The following UBE2V1 variants were observed in gnomAD, a reference collection of about 807,000 sequenced individuals.
UBE2V1 encodes the protein ubiquitin conjugating enzyme E2 V1.
A neutral mutation model predicts 19.6 loss-of-function variants in UBE2V1; 15 were observed. The observed-to-expected ratio is 0.77, with a 90% CI of 0.51 to 1.18. UBE2V1 has a LOEUF of 1.18. Ranked by LOEUF, UBE2V1 falls within the 50% of genes most tolerant of loss-of-function variation. The pLI is 0.00. For missense variants in UBE2V1, 125 were observed against 184.8 expected (o/e 0.68, Z 1.88); for synonymous variants, 60 against 60.7 (o/e 0.99, Z 0.05).
chr20:50,109,724 G>A (rs2080623389), intron 1 of UBE2V1, among the ~76,000 whole-genome samples: 1 of 137,400 alleles, frequency 7.3e-6, no homozygotes, highest in Non-Finnish European at 1.5e-5. Context: ...ACTCCAGCCA[G>A]GTGACAGGGC....
rs138205606 is a variant in UBE2V1, at chr20:50,112,280, T to C, written c.22+827A>G. ...AAGAGACATCCTCGGGGCTCCCAAT[T>C]CATCTGTTCTCCCTCATCCAATATC... On this transcript the variant is annotated intron_variant, in intron 1 of 3. Coordinates refer to ENST00000371674, the MANE Select transcript of UBE2V1 (RefSeq NM_001032288.3). 2.4e-3 allele frequency among the ~76,000 whole-genome samples: 364 copies of C among 152,230 alleles called. 3 individuals carry two copies. The highest frequency in any genetic ancestry group is 6.8e-3 in the Middle Eastern group (2 of 294).
chr20:50,098,800 A>G (rs1036057116), intron 1 of UBE2V1: 3 of 464,312 alleles, frequency 6.5e-6, no homozygotes, highest in African/African-American at 6.4e-5. Flanking sequence ...ATGTAAGCAA[A>G]AGAGTCAGTT....
chr20:50,091,048 A>G (rs79688841), intron 2 of UBE2V1, among the ~76,000 whole-genome samples: 2 of 150,814 alleles, frequency 1.3e-5, no homozygotes, highest in African/African-American at 5.0e-5. Context: ...GTATTGTTGG[A>G]AAAAAAATTT....
At chr20:50,104,944 C>T (rs916208283) in intron 1 of UBE2V1, among the ~76,000 whole-genome samples, 1 of 152,068 alleles carries the variant, frequency 6.6e-6, no homozygotes, top group African/African-American at 2.4e-5. Flanking sequence ...CCAGGCTGGT[C>T]TCAGACTCCT....
intron 2 of UBE2V1, 104 bp downstream of exon 2, chr20:50,096,568 T>C: frequency 6.2e-7 from 1 of 1,606,480 alleles, no homozygotes; most frequent in Non-Finnish European, 8.5e-7. Context: ...TTTCAGAAAA[T>C]ATACCATTGG....
intron 1 of UBE2V1, chr20:50,111,174 T>C (rs1459332850): frequency 2.2e-6 from 2 of 889,314 alleles, no homozygotes; most frequent in East Asian, 2.4e-4. Context: ...AAGTCCATTT[T>C]AGGGCACCTC....
intron 1 of UBE2V1, among the ~76,000 whole-genome samples, chr20:50,098,205 A>G (rs2079758741): frequency 6.6e-6 from 1 of 152,190 alleles, no homozygotes; most frequent in African/African-American, 2.4e-5. Flanking sequence ...CTGAGGAGAA[A>G]GTCTTTGAGA....
At chr20:50,101,682 G>A (rs1308045513) in intron 1 of UBE2V1, among the ~76,000 whole-genome samples, 5 of 150,884 alleles carry the variant, frequency 3.3e-5, no homozygotes, top group Admixed American at 6.6e-5. Context: ...TAAATTATCA[G>A]TAACATATAG....
At chr20:50,083,532 C>A (rs1268935983) in intron 3 of UBE2V1, among the ~76,000 whole-genome samples, 1 of 152,226 alleles carries the variant, frequency 6.6e-6, no homozygotes, top group Non-Finnish European at 1.5e-5. Flanking sequence ...GAAGGCTTGG[C>A]GTGACGTTAA....
intron 1 of UBE2V1, among the ~76,000 whole-genome samples, chr20:50,105,649 T>C (rs2080305042): frequency 6.6e-6 from 1 of 152,134 alleles, no homozygotes; most frequent in South Asian, 2.1e-4. Context: ...ATGGAAGACA[T>C]AAAAATGGAC....
intron 2 of UBE2V1, among the ~76,000 whole-genome samples, chr20:50,089,722 C>T (rs73910385): frequency 0.047 from 7,170 of 152,196 alleles, 557 homozygotes; most frequent in African/African-American, 0.16. Flanking sequence ...TGAGTGAGCA[C>T]GGGGCCCATC....
At chr20:50,091,751 T>G (rs1165015665) in intron 2 of UBE2V1, among the ~76,000 whole-genome samples, 1 of 152,168 alleles carries the variant, frequency 6.6e-6, no homozygotes, top group Admixed American at 6.6e-5. Context: ...ATGTCCACCA[T>G]CTATTAGGTG....
intron 2 of UBE2V1, chr20:50,096,183 A>C (rs975104521): frequency 6.2e-6 from 1 of 162,260 alleles, no homozygotes; most frequent in Non-Finnish European, 1.3e-5. Context: ...TGGGTCTAGT[A>C]GTGCCTGGAA....
intron 2 of UBE2V1, 73 bp from the exon 3 acceptor site, chr20:50,084,327 C>A (rs2078782609): frequency 1.2e-6 from 2 of 1,605,566 alleles, no homozygotes; most frequent in South Asian, 1.1e-5. Context: ...TTGTGAAACC[C>A]CATTTATCCC....
chr20:50,084,265 A>G lies in UBE2V1; in HGVS notation c.172-11T>C, dbSNP rs2078778193. 1.9e-6 allele frequency: 3 copies of G among 1,608,810 alleles called. No individual in the cohort carries two copies. Among genetic ancestry groups the G allele is most frequent in the African/African-American group, 2.7e-5 (2 of 74,866 alleles). On this transcript the variant is annotated splice_polypyrimidine_tract_variant and intron_variant, in intron 2 of 3. Transcript: ENST00000371674. ...GTTTTCATAAATTGTCTGGAAAAAA[A>G]GAGTACGGAGATGTCACGCAATTAC...
chr20:50,111,092 T>C (rs933088617), intron 1 of UBE2V1, among the ~76,000 whole-genome samples: 4 of 152,232 alleles, frequency 2.6e-5, no homozygotes, highest in Non-Finnish European at 5.9e-5. Flanking sequence ...TCCATTTTGT[T>C]TGCTATCCAC....
chr20:50,101,475 A>G (rs940141052), intron 1 of UBE2V1, among the ~76,000 whole-genome samples: 3 of 143,086 alleles, frequency 2.1e-5, no homozygotes, highest in Non-Finnish European at 4.5e-5. Context: ...CTGGAGTGCA[A>G]TGACGCAATC....
chr20:50,111,209 C>T, intron 1 of UBE2V1: 1 of 977,610 alleles, frequency 1.0e-6, no homozygotes, highest in Non-Finnish European at 1.2e-6. Flanking sequence ...GTTATCTAAA[C>T]CATGCCAAGT....
At chr20:50,100,585 C>T (rs972772931) in intron 1 of UBE2V1, among the ~76,000 whole-genome samples, 2 of 140,344 alleles carry the variant, frequency 1.4e-5, no homozygotes, top group Non-Finnish European at 3.1e-5. Context: ...ACTCCATCTC[C>T]AAAAAAAAAA....
Sources: allele counts gnomAD v4.1 joint callset (sites outside exome capture counted in the v4.1 genomes callset), GRCh38; gene constraint gnomAD v4.1.1; transcripts MANE v1.5; gene names NCBI Gene and HGNC (gene_info 2026-07-23, HGNC 2026-07-21).